Variants in ADAM12 observed in about 807,000 individuals in gnomAD.
ADAM12 encodes the protein ADAM metallopeptidase domain 12.
In ADAM12, 70 loss-of-function variants were observed where a neutral mutation model predicts 106.4. The observed-to-expected ratio is 0.66, with a 90% CI of 0.54 to 0.80. The LOEUF is 0.80. Ranked by LOEUF, ADAM12 falls within the 30% of genes least tolerant of loss-of-function variation. The pLI, the probability that ADAM12 is intolerant of heterozygous loss-of-function variation, is 0.00. For missense variants in ADAM12, 1,010 were observed against 1,171.9 expected, an observed-to-expected ratio of 0.86 and a Z score of 2.02; for synonymous variants, 420 against 433.5, an observed-to-expected ratio of 0.97 and a Z score of 0.39.
chr10:126,314,519 A>G (rs904831729), intron 2 of ADAM12, among the ~76,000 whole-genome samples: 1 of 152,212 alleles, frequency 6.6e-6, no homozygotes, highest in Non-Finnish European at 1.5e-5. Context: ...AGCACCCTCC[A>G]CTCATAAATG....
intron 3 of ADAM12, among the ~76,000 whole-genome samples, chr10:126,227,987 G>A (rs1958233283): frequency 6.6e-6 from 1 of 152,076 alleles, no homozygotes; most frequent in South Asian, 2.1e-4. Context: ...GGACCTTCCT[G>A]TGATGATTCC....
chr10:126,108,168 C>T (rs1307931489), intron 8 of ADAM12, among the ~76,000 whole-genome samples: 1 of 152,194 alleles, frequency 6.6e-6, no homozygotes, highest in Admixed American at 6.5e-5. Context: ...CAAGCCCACC[C>T]TCAGGGTTAC....
At chr10:126,317,440 T>C (rs1189965443) in intron 2 of ADAM12, among the ~76,000 whole-genome samples, 1 of 152,174 alleles carries the variant, frequency 6.6e-6, no homozygotes, top group Non-Finnish European at 1.5e-5. Context: ...AAAAAGTGCA[T>C]ATGGCAGACA....
chr10:126,109,918 C>G, intron 6 of ADAM12, 78 bp from the exon 7 acceptor site: 15 of 1,379,196 alleles, frequency 1.1e-5, no homozygotes, highest in Non-Finnish European at 1.5e-5. Flanking sequence ...TCAATCTAAA[C>G]ACTTTAGGTT....
intron 1 of ADAM12, among the ~76,000 whole-genome samples, chr10:126,344,059 C>T (rs1004176572): frequency 7.9e-5 from 12 of 152,188 alleles, no homozygotes; most frequent in Admixed American, 2.6e-4. Flanking sequence ...GCTTTTGTTG[C>T]CATTGCTTTT....
intron 5 of ADAM12, among the ~76,000 whole-genome samples, chr10:126,126,257 C>T (rs894892003): frequency 6.6e-6 from 1 of 152,048 alleles, no homozygotes; most frequent in Non-Finnish European, 1.5e-5. Context: ...CTGGGGATGA[C>T]CTTCGAGGCT....
chr10:126,125,435 G>C (rs1185415979), intron 5 of ADAM12, among the ~76,000 whole-genome samples: 2 of 151,780 alleles, frequency 1.3e-5, no homozygotes, highest in Non-Finnish European at 2.9e-5. Flanking sequence ...AGTAGAGATG[G>C]GGTTTCACCA....
At chr10:126,288,651 C>G (rs1328502800) in intron 2 of ADAM12, among the ~76,000 whole-genome samples, 3 of 151,312 alleles carry the variant, frequency 2.0e-5, no homozygotes, top group Non-Finnish European at 4.4e-5. Flanking sequence ...CATGTGGTGA[C>G]ATGGTGGCCC....
chr10:126,046,836 G>GCC (rs1246415464), intron 16 of ADAM12, among the ~76,000 whole-genome samples: 1 of 151,362 alleles, frequency 6.6e-6, no homozygotes, highest in Non-Finnish European at 1.5e-5. Context: ...AAGATATAGG[G>GCC]GAGGGCGAGA....
intron 3 of ADAM12, among the ~76,000 whole-genome samples, chr10:126,243,460 G>A (rs1278529168): frequency 1.4e-5 from 2 of 138,550 alleles, no homozygotes; most frequent in African/African-American, 2.6e-5. Flanking sequence ...GTGTAGACCA[G>A]TGGGGAGCAA....
At position 126,071,700 on chromosome 10, in the gene ADAM12, G is replaced by A. The variant is rs778933311; in HGVS notation, c.1146-46C>T. Reference sequence around the variant, plus strand: ...ACAGTAAGTCACAGGGCATGGAATGGCTTTGTCTGCCCTTCTTGTGCCCAC... The same window carrying A: ...ACAGTAAGTCACAGGGCATGGAATGACTTTGTCTGCCCTTCTTGTGCCCAC... On this transcript the variant is annotated intron_variant, in intron 11 of 22. Coordinates refer to ENST00000448723, the MANE Select transcript of ADAM12 (RefSeq NM_001288973.2). 4 of 1,597,642 alleles carry A rather than the reference G, an allele frequency of 2.5e-6. No homozygotes were observed. The African/African-American group carries it at 5.4e-5, about 21-fold the overall frequency.
chr10:126,039,146 A>C (rs1954113660), intron 19 of ADAM12, 148 bp downstream of exon 19: 1 of 868,972 alleles, frequency 1.2e-6, no homozygotes, highest in African/African-American at 1.7e-5. Flanking sequence ...TTTTTAGTAG[A>C]GACGGGGTTT....
At chr10:126,339,924 A>G (rs1404938619) in intron 1 of ADAM12, among the ~76,000 whole-genome samples, 2 of 132,942 alleles carry the variant, frequency 1.5e-5, no homozygotes, top group Non-Finnish European at 3.0e-5. Flanking sequence ...GCCTGATCTC[A>G]GCTCACTGCA....
At chr10:126,281,233 CCAT>C (rs907377102) in intron 2 of ADAM12, among the ~76,000 whole-genome samples, 15 of 152,066 alleles carry the variant, frequency 9.9e-5, no homozygotes, top group African/African-American at 3.6e-4. Context: ...CCCAAACACA[CCAT>C]ATGTATGTAT....
chr10:126,230,395 A>C (rs150156758), intron 3 of ADAM12, among the ~76,000 whole-genome samples: 2 of 152,302 alleles, frequency 1.3e-5, no homozygotes, highest in African/African-American at 4.8e-5. Flanking sequence ...GGGATACACT[A>C]TACTTTCCTG....
At chr10:126,252,246 C>T (rs67090163) in intron 3 of ADAM12, among the ~76,000 whole-genome samples, 145,401 of 149,536 alleles carry the variant, frequency 0.97, 70,690 homozygotes, top group South Asian at 1. Context: ...ATGGATTGGA[C>T]TGATGGATGG....
chr10:126,355,388 C>G (rs1280645458), intron 1 of ADAM12, among the ~76,000 whole-genome samples: 1 of 152,210 alleles, frequency 6.6e-6, no homozygotes, highest in African/African-American at 2.4e-5. Context: ...AATAGTGGAA[C>G]AGGTGGCCCC....
At chr10:126,080,725 C>T (rs1344610829) in intron 11 of ADAM12, among the ~76,000 whole-genome samples, 6 of 151,466 alleles carry the variant, frequency 4.0e-5, no homozygotes, top group Non-Finnish European at 8.8e-5. Flanking sequence ...GAGGATGAAA[C>T]AGACAGCTGG....
At chr10:126,384,248 A>C (rs1197524692) in intron 1 of ADAM12, among the ~76,000 whole-genome samples, 2 of 152,204 alleles carry the variant, frequency 1.3e-5, no homozygotes, top group Non-Finnish European at 2.9e-5. Context: ...ACTGCTTGTA[A>C]AGAATACGAG....
Sources: gnomAD v4.1 joint callset for allele counts (sites outside exome capture counted in the v4.1 genomes callset) on GRCh38, gnomAD v4.1.1 for gene constraint, MANE v1.5 for transcripts, NCBI Gene and HGNC (gene_info 2026-07-23, HGNC 2026-07-21) for gene names.